Variants in CSMD1 observed in about 807,000 individuals in gnomAD.
CSMD1 encodes CUB and Sushi multiple domains 1, also known as CUB and sushi domain-containing protein 1.
In CSMD1, 213 loss-of-function variants were observed where a neutral mutation model predicts 417.5. That is an observed-to-expected ratio of 0.51 (90% CI 0.46 to 0.57). CSMD1 has a LOEUF of 0.57. Ranked by LOEUF, CSMD1 falls within the 20% of genes least tolerant of loss-of-function variation. The probability of loss-of-function intolerance (pLI) is 0.00; values close to 1 mark genes in which losing one functional copy is unlikely to be tolerated. For synonymous variants in CSMD1, 2,862 were observed against 1,736.8 expected, an observed-to-expected ratio of 1.65 and a Z score of -16.11; for missense variants, 6,923 against 4,529.7, an observed-to-expected ratio of 1.53 and a Z score of -15.17.
At chr8:3,821,087 T>C (rs1346615359) in intron 5 of CSMD1, among the ~76,000 whole-genome samples, 5 of 151,952 alleles carry the variant, frequency 3.3e-5, no homozygotes, top group African/African-American at 9.7e-5. Context: ...TGGTTACTTT[T>C]TTGTATTTTT....
At chr8:4,867,420 A>G (rs1369036856) in intron 1 of CSMD1, among the ~76,000 whole-genome samples, 1 of 152,078 alleles carries the variant, frequency 6.6e-6, no homozygotes, top group Non-Finnish European at 1.5e-5. Flanking sequence ...ACTTAAATAC[A>G]CCCCTGTAAA....
Position 3,586,121 on chromosome 8 carries a change from C to T in CSMD1, c.1222+15G>A, listed in dbSNP as rs1036138343. ...AAAGAGATAATCCAGGCTTTACCCACCGCAGGTGCCTTACCTCGGCAGATG... is the reference window on the plus strand; with the variant it reads ...AAAGAGATAATCCAGGCTTTACCCATCGCAGGTGCCTTACCTCGGCAGATG... On this transcript the variant is annotated intron_variant, in intron 9 of 69. Transcript: ENST00000635120. The T allele has an allele frequency of 1.9e-6, 3 of 1,608,322 alleles. No individual in the cohort carries two copies. The highest frequency in any genetic ancestry group is 2.5e-6 in the Non-Finnish European group (3 of 1,177,918).
At chr8:3,291,051 T>C (rs372873295) in intron 25 of CSMD1, among the ~76,000 whole-genome samples, 2 of 152,202 alleles carry the variant, frequency 1.3e-5, no homozygotes, top group Non-Finnish European at 2.9e-5. Flanking sequence ...TTGAATTTTG[T>C]CAAAGGCCTT....
chr8:4,814,878 T>C (rs1405500762), intron 1 of CSMD1, among the ~76,000 whole-genome samples: 6 of 152,218 alleles, frequency 3.9e-5, no homozygotes. Context: ...AGCTCATATT[T>C]CACTGATAAA....
chr8:3,970,789 G>A (rs957120119), intron 5 of CSMD1, among the ~76,000 whole-genome samples: 1 of 152,046 alleles, frequency 6.6e-6, no homozygotes, highest in African/African-American at 2.4e-5. Flanking sequence ...TTTCACTCTT[G>A]TTACCCAGGC....
chr8:4,199,922 T>G (rs779435974), intron 3 of CSMD1, among the ~76,000 whole-genome samples: 1 of 152,104 alleles, frequency 6.6e-6, no homozygotes, highest in African/African-American at 2.4e-5. Context: ...TGTGGTGAAG[T>G]ACGGTTACAA....
At chr8:3,679,480 G>T (rs1010877385) in intron 7 of CSMD1, among the ~76,000 whole-genome samples, 1 of 152,158 alleles carries the variant, frequency 6.6e-6, no homozygotes, top group African/African-American at 2.4e-5. Context: ...AACAAGAAGA[G>T]CTAACTATCC....
chr8:4,787,168 A>G (rs1390727894), intron 1 of CSMD1, among the ~76,000 whole-genome samples: 1 of 152,210 alleles, frequency 6.6e-6, no homozygotes, highest in African/African-American at 2.4e-5. Flanking sequence ...CGGCCGCTGT[A>G]GCGGAGCTCG....
intron 3 of CSMD1, among the ~76,000 whole-genome samples, chr8:4,163,439 T>C (rs1797280064): frequency 6.6e-6 from 1 of 152,208 alleles, no homozygotes; most frequent in Admixed American, 6.5e-5. Flanking sequence ...TTTTTTCTTG[T>C]TTTTACGTTT....
chr8:3,839,245 T>C lies in CSMD1; in HGVS notation c.819-85203A>G, dbSNP rs865984251. On this transcript the variant is annotated intron_variant, in intron 5 of 69. Coordinates refer to ENST00000635120, the MANE Select transcript of CSMD1 (RefSeq NM_033225.6). ...GTATAATATATAATTATATATACTA[T>C]TAATATATATTACTTATATATACTA... 1.7e-3 allele frequency among the ~76,000 whole-genome samples: 218 copies of C among 125,284 alleles called. 1 individual carries two copies. Among genetic ancestry groups the C allele is most frequent in the African/African-American group, 6.1e-3 (208 of 33,952 alleles). 82.2% of individuals were successfully genotyped at this position (125,284 alleles called of 152,430 possible).
At chr8:3,956,036 C>A (rs1417424128) in intron 5 of CSMD1, among the ~76,000 whole-genome samples, 3 of 152,198 alleles carry the variant, frequency 2.0e-5, no homozygotes, top group Middle Eastern at 3.2e-3. Flanking sequence ...CTCAGGTGAT[C>A]TACCTGCCTC....
intron 1 of CSMD1, among the ~76,000 whole-genome samples, chr8:4,952,673 C>G (rs545318202): frequency 1.3e-5 from 2 of 152,094 alleles, no homozygotes; most frequent in South Asian, 4.1e-4. Context: ...AAAAATCTAT[C>G]AGAAGCAAAA....
At chr8:3,294,534 C>T (rs1803818755) in intron 25 of CSMD1, among the ~76,000 whole-genome samples, 1 of 148,996 alleles carries the variant, frequency 6.7e-6, no homozygotes, top group South Asian at 2.2e-4. Context: ...GGCGCCCCTC[C>T]CCCAGCCTCG....
At chr8:4,536,371 A>G (rs1159081385) in intron 2 of CSMD1, among the ~76,000 whole-genome samples, 1 of 152,140 alleles carries the variant, frequency 6.6e-6, no homozygotes, top group Non-Finnish European at 1.5e-5. Flanking sequence ...TGTATTTTTT[A>G]AATTTATCCT....
intron 26 of CSMD1, among the ~76,000 whole-genome samples, chr8:3,273,023 A>C (rs1012982456): frequency 4.0e-5 from 6 of 151,808 alleles, no homozygotes; most frequent in African/African-American, 7.3e-5. Context: ...CTTCAAAGGG[A>C]ATGCTTCTAG....
chr8:3,229,996 A>C (rs766004269), intron 27 of CSMD1, 44 bp downstream of exon 27: 3 of 1,356,096 alleles, frequency 2.2e-6, no homozygotes, highest in African/African-American at 2.9e-5. Flanking sequence ...GACAACATGC[A>C]TCCATTCCTG....
intron 49 of CSMD1, among the ~76,000 whole-genome samples, chr8:3,073,161 A>G (rs1813426945): frequency 6.6e-6 from 1 of 152,190 alleles, no homozygotes; most frequent in Non-Finnish European, 1.5e-5. Context: ...AGTGAGGAAA[A>G]TGACTTGAAT....
At chr8:3,305,485 A>G (rs1348606544) in intron 25 of CSMD1, among the ~76,000 whole-genome samples, 1 of 152,086 alleles carries the variant, frequency 6.6e-6, no homozygotes, top group African/African-American at 2.4e-5. Flanking sequence ...TGCTGTTATC[A>G]TGGGAGTGGG....
At chr8:4,240,737 C>A (rs768561003) in intron 3 of CSMD1, among the ~76,000 whole-genome samples, 2 of 152,000 alleles carry the variant, frequency 1.3e-5, no homozygotes, top group Non-Finnish European at 2.9e-5. Flanking sequence ...GTTGCTCTTC[C>A]TTTTTTCTGT....
Sources: allele counts gnomAD v4.1 joint callset (sites outside exome capture counted in the v4.1 genomes callset), GRCh38; gene constraint gnomAD v4.1.1; transcripts MANE v1.5; gene names NCBI Gene and HGNC (gene_info 2026-07-23, HGNC 2026-07-21).